RPH3A: variants seen among roughly 807,000 people sequenced by gnomAD.
RPH3A encodes rabphilin-3A.
RPH3A carries 48 observed loss-of-function variants against 102.2 expected under a neutral mutation model. The observed-to-expected ratio is 0.47, with a 90% CI of 0.37 to 0.60. The LOEUF (loss-of-function observed/expected upper bound fraction) is 0.60. RPH3A is among the 20% of genes least tolerant of loss of function. RPH3A has a pLI of 0.00. For missense variants in RPH3A, 781 were observed against 910.1 expected, an observed-to-expected ratio of 0.86 and a Z score of 1.83; for synonymous variants, 310 against 324.3, an observed-to-expected ratio of 0.96 and a Z score of 0.47.
At chr12:112,793,407 G>A (rs1346762654) in intron 2 of RPH3A, among the ~76,000 whole-genome samples, 1 of 152,142 alleles carries the variant, frequency 6.6e-6, no homozygotes, top group East Asian at 1.9e-4. Context: ...GAGGTGGGAG[G>A]AATAAAACAA....
In RPH3A at chr12:112,718,534, C is replaced by T. The variant is rs557340835; in HGVS notation, c.-139-73609C>T. ...GAGTGTTTCATTACACATGCATACACACTCTTTCTCCCCAGGAGGATTCTG... is the reference window on the plus strand; with the variant it reads ...GAGTGTTTCATTACACATGCATACATACTCTTTCTCCCCAGGAGGATTCTG... On this transcript the variant is annotated intron_variant, in intron 1 of 21. Transcript: ENST00000543106. Among the ~76,000 whole-genome samples, 29 of 152,320 alleles carry T rather than the reference C, an allele frequency of 1.9e-4. 1 individual carries two copies. The highest frequency in any genetic ancestry group is 6.3e-4 in the African/African-American group (26 of 41,558).
At chr12:112,640,696 C>G (rs1292386407) in intron 1 of RPH3A, among the ~76,000 whole-genome samples, 1 of 152,092 alleles carries the variant, frequency 6.6e-6, no homozygotes, top group Non-Finnish European at 1.5e-5. Flanking sequence ...GGATTGTGGC[C>G]ACGGAATTTA....
chr12:112,621,807 T>G (rs1179484983), intron 1 of RPH3A, among the ~76,000 whole-genome samples: 2 of 151,694 alleles, frequency 1.3e-5, no homozygotes, highest in Non-Finnish European at 2.9e-5. Context: ...TAAATGTCCC[T>G]GTCTGACAGC....
chr12:112,689,317 A>G (rs2040289874), intron 1 of RPH3A, among the ~76,000 whole-genome samples: 2 of 152,218 alleles, frequency 1.3e-5, no homozygotes, highest in Admixed American at 1.3e-4. Flanking sequence ...AAGTGGCTCC[A>G]TGTGCCCAGA....
chr12:112,581,046 G>T (rs2039397449), intron 1 of RPH3A, among the ~76,000 whole-genome samples: 1 of 152,142 alleles, frequency 6.6e-6, no homozygotes. Flanking sequence ...AAATTAGAAG[G>T]CAAAAATTGT....
At position 112,756,401 on chromosome 12, in the gene RPH3A, A is replaced by G. The variant is rs559794436; in HGVS notation, c.-139-35742A>G. On this transcript the variant is annotated intron_variant, in intron 1 of 21. Transcript: ENST00000543106. Reference sequence around the variant, plus strand: ...CTAATTTTGTATTTTTGGTAGAGACAGGGTTTCACTTTGTTGGTCAGGCTG... The same window carrying G: ...CTAATTTTGTATTTTTGGTAGAGACGGGGTTTCACTTTGTTGGTCAGGCTG... Among the ~76,000 whole-genome samples, 3 of 152,310 alleles carry G rather than the reference A, an allele frequency of 2.0e-5. No homozygotes were observed. In the South Asian group the frequency reaches 6.2e-4, roughly 32 times the overall value.
chr12:112,715,640 C>T (rs1368485982), intron 1 of RPH3A, among the ~76,000 whole-genome samples: 1 of 152,008 alleles, frequency 6.6e-6, no homozygotes, highest in Non-Finnish European at 1.5e-5. Context: ...TTTCTCTTCC[C>T]AACTACATGG....
intron 1 of RPH3A, among the ~76,000 whole-genome samples, chr12:112,777,268 T>C (rs1437463022): frequency 6.6e-6 from 1 of 152,234 alleles, no homozygotes; most frequent in Non-Finnish European, 1.5e-5. Context: ...CTGCTGCTGT[T>C]GTGATCATCA....
chr12:112,821,612 CAT>C (rs2041780984), intron 2 of RPH3A, among the ~76,000 whole-genome samples: 1 of 152,320 alleles, frequency 6.6e-6, no homozygotes, highest in African/African-American at 2.4e-5. Flanking sequence ...GCTCAAATAG[CAT>C]CTCTCAGTGA....
rs538240547 is a variant in RPH3A at position 112,615,781 on chromosome 12, G to A, written c.-140+40462G>A. Among the ~76,000 whole-genome samples the A allele has an allele frequency of 1.1e-4, 17 of 152,284 alleles. No individual in the cohort carries two copies. In the South Asian group the frequency reaches 3.5e-3, roughly 32 times the overall value. On this transcript the variant is annotated intron_variant, in intron 1 of 21. Transcript: ENST00000543106. ...ATTCAAGTTGGCTGTCCCATTTACT[G>A]GTGGGGTGAGCTGTGGAGTAAGTTA...
chr12:112,874,952 G>A, intron 10 of RPH3A, 132 bp from the exon 11 acceptor site: 1 of 645,046 alleles, frequency 1.6e-6, no homozygotes, highest in Non-Finnish European at 2.7e-6. Flanking sequence ...AGAAAGAGCT[G>A]AGCGAGTGAG....
At position 112,723,135 on chromosome 12, in the gene RPH3A, G is replaced by C. The variant is rs577049830; in HGVS notation, c.-139-69008G>C. Among the ~76,000 whole-genome samples the C allele has an allele frequency of 2.0e-5, 3 of 152,242 alleles. No homozygotes were observed. The South Asian group carries it at 6.2e-4, about 32-fold the overall frequency. ...TGGTATGTATATACAGTTGGCCCTT[G>C]AGCAGTGTAGGGATTAGGGGAACTG... is the stretch of plus-strand genomic sequence containing the variant. On this transcript the variant is annotated intron_variant, in intron 1 of 21. Transcript: ENST00000543106.
At chr12:112,600,463 C>T (rs1033152543) in intron 1 of RPH3A, among the ~76,000 whole-genome samples, 3 of 152,194 alleles carry the variant, frequency 2.0e-5, no homozygotes, top group African/African-American at 4.8e-5. Context: ...TTCCATCCTA[C>T]TCTGGTCTCC....
At chr12:112,702,190 A>G (rs2040399282) in intron 1 of RPH3A, among the ~76,000 whole-genome samples, 1 of 152,246 alleles carries the variant, frequency 6.6e-6, no homozygotes. Flanking sequence ...GACATAAACT[A>G]CATGAAGACT....
At chr12:112,575,922 A>C (rs1322531914) in intron 1 of RPH3A, among the ~76,000 whole-genome samples, 2 of 152,090 alleles carry the variant, frequency 1.3e-5, no homozygotes, top group Non-Finnish European at 2.9e-5. Flanking sequence ...CCCCAACCCC[A>C]TCCTGACAAT....
intron 1 of RPH3A, among the ~76,000 whole-genome samples, chr12:112,685,505 C>A (rs1266027425): frequency 6.6e-6 from 1 of 152,126 alleles, no homozygotes; most frequent in Non-Finnish European, 1.5e-5. Flanking sequence ...GCCTCACAGA[C>A]CTGCAATGAT....
intron 4 of RPH3A, among the ~76,000 whole-genome samples, chr12:112,838,270 A>T (rs2042087257): frequency 6.6e-6 from 1 of 152,254 alleles, no homozygotes; most frequent in Non-Finnish European, 1.5e-5. Context: ...CAACTGTGAG[A>T]GAGAACATGG....
intron 5 of RPH3A, among the ~76,000 whole-genome samples, chr12:112,857,502 C>T (rs756363263): frequency 2.0e-5 from 3 of 152,070 alleles, no homozygotes; most frequent in Non-Finnish European, 4.4e-5. Context: ...AAAAGATGCC[C>T]TACTGCTGGT....
intron 5 of RPH3A, among the ~76,000 whole-genome samples, chr12:112,849,212 T>G (rs889537065): frequency 1.3e-5 from 2 of 152,118 alleles, no homozygotes; most frequent in African/African-American, 4.8e-5. Context: ...CAGGGCAGGC[T>G]AGGGAAATAG....
Sources: gnomAD v4.1 joint callset for allele counts (sites outside exome capture counted in the v4.1 genomes callset) on GRCh38, gnomAD v4.1.1 for gene constraint, MANE v1.5 for transcripts, NCBI Gene and HGNC (gene_info 2026-07-23, HGNC 2026-07-21) for gene names.